QTMAN: variants seen among roughly 807,000 people sequenced by gnomAD.
The protein encoded by QTMAN is tRNA-queuosine alpha-mannosyltransferase.
chr2:144,088,211 A>AAAAC, the QTMAN span, among the ~76,000 whole-genome samples: 3 of 152,006 alleles, frequency 2.0e-5, no homozygotes, highest in African/African-American at 2.4e-5. Context: ...AACTGCTACA[A>AAAAC]AAACAAACAA....
At chr2:144,133,151 A>ATATATATAT in the QTMAN span, among the ~76,000 whole-genome samples, 20 of 51,382 alleles carry the variant, frequency 3.9e-4, no homozygotes, top group African/African-American at 9.9e-4. Context: ...ATATATATAT[A>ATATATATAT]ATATAATATA....
chr2:143,939,204 C>T, the QTMAN span: 1 of 152,148 alleles, frequency 6.6e-6, no homozygotes, highest in Admixed American at 6.5e-5. Flanking sequence ...TTTTCTTTTT[C>T]TTACAGCTTT....
the QTMAN span, among the ~76,000 whole-genome samples, chr2:144,054,004 G>A: frequency 5.3e-5 from 8 of 152,102 alleles, no homozygotes; most frequent in South Asian, 1.0e-3. Flanking sequence ...TGGCTAACAC[G>A]GTGAAACCCC....
At chr2:144,329,015 T>C in the QTMAN span, among the ~76,000 whole-genome samples, 12 of 151,934 alleles carry the variant, frequency 7.9e-5, no homozygotes, top group Non-Finnish European at 1.6e-4. Context: ...TCCCAACACT[T>C]TGGGAAGCCA....
the QTMAN span, among the ~76,000 whole-genome samples, chr2:144,245,535 G>A: frequency 2.6e-5 from 4 of 152,130 alleles, no homozygotes; most frequent in Admixed American, 1.3e-4. Context: ...CTCAGAATAA[G>A]AAAATGCTAG....
the QTMAN span, chr2:143,952,086 C>T: frequency 1.3e-6 from 2 of 1,524,462 alleles, no homozygotes; most frequent in South Asian, 1.1e-5. Flanking sequence ...GCAGGAAAAA[C>T]AGATACATTT....
chr2:144,289,890 A>C, the QTMAN span, among the ~76,000 whole-genome samples: 1 of 152,236 alleles, frequency 6.6e-6, no homozygotes, highest in African/African-American at 2.4e-5. Context: ...TATAGCCTAA[A>C]GCTACCTCCT....
At chr2:144,252,761 G>C in the QTMAN span, among the ~76,000 whole-genome samples, 1 of 152,108 alleles carries the variant, frequency 6.6e-6, no homozygotes, top group African/African-American at 2.4e-5. Flanking sequence ...ATCCAAATGA[G>C]TAGAAAACTT....
chr2:143,961,832 T>C, the QTMAN span, among the ~76,000 whole-genome samples: 2 of 151,928 alleles, frequency 1.3e-5, no homozygotes, highest in Middle Eastern at 3.4e-3. Flanking sequence ...TAGAAAAAAA[T>C]GGATTCTCAC....
chr2:144,221,792 G>A, the QTMAN span, among the ~76,000 whole-genome samples: 7 of 152,064 alleles, frequency 4.6e-5, no homozygotes, highest in South Asian at 2.1e-4. Flanking sequence ...AAAACTAATC[G>A]ACAAGGGTTA....
the QTMAN span, among the ~76,000 whole-genome samples, chr2:144,116,332 G>A: frequency 6.7e-6 from 1 of 149,504 alleles, no homozygotes; most frequent in East Asian, 2.0e-4. Flanking sequence ...TTTATGTGAG[G>A]GGTGTGTGTG....
the QTMAN span, among the ~76,000 whole-genome samples, chr2:144,300,978 T>C: frequency 6.6e-6 from 1 of 152,168 alleles, no homozygotes; most frequent in Non-Finnish European, 1.5e-5. Flanking sequence ...GCACTTTCAA[T>C]TATATAGCAT....
chr2:144,134,421 A>G, the QTMAN span, among the ~76,000 whole-genome samples: 1 of 152,140 alleles, frequency 6.6e-6, no homozygotes, highest in African/African-American at 2.4e-5. Flanking sequence ...GATAAATGAG[A>G]TTACCCCAAA....
chr2:144,126,769 C>T, the QTMAN span, among the ~76,000 whole-genome samples: 1 of 152,020 alleles, frequency 6.6e-6, no homozygotes, highest in Admixed American at 6.6e-5. Flanking sequence ...ACAGGCCACA[C>T]AACTAGACCC....
chr2:144,022,415 AAGTAGCTGG>A, the QTMAN span, among the ~76,000 whole-genome samples: 1 of 151,898 alleles, frequency 6.6e-6, no homozygotes, highest in South Asian at 2.1e-4. Context: ...TCAGTCTCCC[AAGTAGCTGG>A]GACTGCAGAT....
At chr2:144,040,454 C>T in the QTMAN span, among the ~76,000 whole-genome samples, 2 of 152,030 alleles carry the variant, frequency 1.3e-5, no homozygotes, top group Admixed American at 1.3e-4. Flanking sequence ...GTTTGCCCTA[C>T]TTGGAGGTCT....
the QTMAN span, among the ~76,000 whole-genome samples, chr2:143,984,733 G>A: frequency 1.3e-5 from 2 of 152,168 alleles, no homozygotes; most frequent in African/African-American, 2.4e-5. Flanking sequence ...TCTGAACATC[G>A]AGAGGAGAAG....
At chr2:144,064,214 A>C in the QTMAN span, among the ~76,000 whole-genome samples, 1 of 152,210 alleles carries the variant, frequency 6.6e-6, no homozygotes, top group Non-Finnish European at 1.5e-5. Context: ...TAGAAGAAAG[A>C]ATAAAAGCAG....
At chr2:144,162,545 C>T in the QTMAN span, among the ~76,000 whole-genome samples, 59 of 152,050 alleles carry the variant, frequency 3.9e-4, 2 homozygotes, top group Middle Eastern at 0.01. Context: ...TAGAATAAAG[C>T]AGAATATATC....
Sources: gnomAD v4.1 joint callset for allele counts (sites outside exome capture counted in the v4.1 genomes callset) on GRCh38, gnomAD v4.1.1 for gene constraint, MANE v1.5 for transcripts, NCBI Gene and HGNC (gene_info 2026-07-23, HGNC 2026-07-21) for gene names.